The following PALD1 variants were observed in gnomAD, a reference collection of about 807,000 sequenced individuals.
PALD1 encodes paladin.
In PALD1, 57 loss-of-function variants were observed where a neutral mutation model predicts 96.0. The observed-to-expected ratio is 0.59, with a 90% CI of 0.48 to 0.74. PALD1 has a LOEUF of 0.74. PALD1 is among the 30% of genes least tolerant of loss of function. The pLI is 0.00. For synonymous variants in PALD1, 464 were observed against 473.6 expected, an observed-to-expected ratio of 0.98 and a Z score of 0.26; for missense variants, 1,063 against 1,143.7, an observed-to-expected ratio of 0.93 and a Z score of 1.02.
chr10:70,462,490 T>C, the PALD1 span, among the ~76,000 whole-genome samples: 1 of 152,262 alleles, frequency 6.6e-6, no homozygotes, highest in Non-Finnish European at 1.5e-5. Context: ...GCTTTTATCA[T>C]TGAACAATTC....
intron 1 of PALD1, among the ~76,000 whole-genome samples, chr10:70,500,682 G>T (rs1397866661): frequency 4.6e-5 from 7 of 152,184 alleles, no homozygotes; most frequent in African/African-American, 1.7e-4. Context: ...AGGTGCTGGA[G>T]TCCCTGCGCT....
At chr10:70,522,446 G>A (rs1846757934) in intron 1 of PALD1, among the ~76,000 whole-genome samples, 1 of 152,136 alleles carries the variant, frequency 6.6e-6, no homozygotes, top group African/African-American at 2.4e-5. Context: ...GGGGACCGGG[G>A]GCACACGTGG....
Position 70,564,244 on chromosome 10 carries a change from A to G in PALD1, c.2263-120A>G. On this transcript the variant is annotated intron_variant, in intron 18 of 19. Transcript: ENST00000263563. Reference sequence around the variant, plus strand: ...TTGTCCTGTAACCCAGGTGGAAGCAACGCCCTCAGCTCTGAGGCTGGATCA... The same window carrying G: ...TTGTCCTGTAACCCAGGTGGAAGCAGCGCCCTCAGCTCTGAGGCTGGATCA... The G allele has an allele frequency of 9.4e-6, 10 of 1,060,014 alleles. No homozygotes were observed. The South Asian group carries it at 1.4e-4, about 15-fold the overall frequency. The allele number at this position is 1,060,014 out of a possible 1,614,324, so 65.7% of individuals were successfully genotyped here.
At chr10:70,491,658 G>A (rs1462927730) in intron 1 of PALD1, among the ~76,000 whole-genome samples, 1 of 152,146 alleles carries the variant, frequency 6.6e-6, no homozygotes. Context: ...CATTTGCAAT[G>A]TTTTGCAACC....
At chr10:70,500,600 C>T (rs1452108443) in intron 1 of PALD1, among the ~76,000 whole-genome samples, 3 of 152,132 alleles carry the variant, frequency 2.0e-5, no homozygotes, top group African/African-American at 4.8e-5. Context: ...GTTCCTTTTT[C>T]GGGAAGCCTT....
the PALD1 span, among the ~76,000 whole-genome samples, chr10:70,465,801 G>C: frequency 6.6e-6 from 1 of 152,192 alleles, no homozygotes; most frequent in South Asian, 2.1e-4. Flanking sequence ...CCCTCCTCAG[G>C]ATGGAGGACA....
In PALD1 at chr10:70,534,482, CT is replaced by C. The variant is rs780799764; in HGVS notation, c.1083del (p.Leu362SerfsTer27). On this transcript the variant is annotated frameshift_variant, in exon 9 of 20. Coordinates refer to ENST00000263563, the MANE Select transcript of PALD1 (RefSeq NM_014431.3). LOFTEE classifies it high-confidence loss of function. ...TGGAGCAGTTCCAGGTGATCCAGAG[CT>C]TTCTCCGCATGGTGCCCCAGGGAAG... is the stretch of plus-strand genomic sequence containing the variant. The part of the protein sequence containing the change: ...PMEQFQVIQS[F>X]LRMVPQGRRM... 2 of 1,613,092 alleles carry C rather than the reference CT, an allele frequency of 1.2e-6. No individual in the cohort carries two copies. The highest frequency in any genetic ancestry group is 1.7e-6 in the Non-Finnish European group (2 of 1,179,664).
At chr10:70,479,461 G>T (rs1355161677) in intron 1 of PALD1, among the ~76,000 whole-genome samples, 1 of 152,212 alleles carries the variant, frequency 6.6e-6, no homozygotes, top group Non-Finnish European at 1.5e-5. Flanking sequence ...TCTAGGGGGC[G>T]TGAGGCCCTC....
At chr10:70,556,926 C>T (rs1434114925) in intron 18 of PALD1, among the ~76,000 whole-genome samples, 1 of 152,226 alleles carries the variant, frequency 6.6e-6, no homozygotes, top group Non-Finnish European at 1.5e-5. Flanking sequence ...GAAACCCTGA[C>T]TCCAGGACCC....
intron 1 of PALD1, among the ~76,000 whole-genome samples, chr10:70,489,292 G>A (rs1467429350): frequency 6.6e-6 from 1 of 152,164 alleles, no homozygotes; most frequent in Non-Finnish European, 1.5e-5. Context: ...GGGGTCCCAG[G>A]TGCTCTGAGT....
chr10:70,538,283 C>T lies in PALD1; in HGVS notation c.1327C>T (p.Pro443Ser). 1 of 1,601,942 alleles carries T rather than the reference C, an allele frequency of 6.2e-7. No individual in the cohort carries two copies. Among genetic ancestry groups the T allele is most frequent in the Non-Finnish European group, 8.5e-7 (1 of 1,179,920 alleles). The change falls in exon 12 of 20, where the codon CCG (proline) becomes TCG (serine). Residue 443 changes from proline (P) to serine (S), a missense_variant. Pro to Ser is a moderately conservative substitution (Grantham distance 74). Coordinates refer to ENST00000263563, the MANE Select transcript of PALD1 (RefSeq NM_014431.3). ...LFNYYLHEQY[P>S]LAFALSFSRW... ...GTCTCTCTGCCTCGGGCTGCAGTACCCGCTGGCCTTTGCCCTCAGTTTCAG... is the reference window on the plus strand; with the variant it reads ...GTCTCTCTGCCTCGGGCTGCAGTACTCGCTGGCCTTTGCCCTCAGTTTCAG...
At position 70,533,936 on chromosome 10, in the gene PALD1, G is replaced by A. The variant is rs370783568; in HGVS notation, c.885G>A (p.Leu295=). 2.4e-4 allele frequency: 388 copies of A among 1,601,406 alleles called. 1 individual carries two copies. The highest frequency in any genetic ancestry group is 2.7e-4 in the Non-Finnish European group (315 of 1,172,914). ...GTCTTTCCCAGGAGACCCCCAGCCT[G>A]CTGCAGCTCCGTGATGCCCACGGGC... ...FVSVLRETPS[L]LQLRDAHGPP... Residue 295 remains leucine, a synonymous_variant, in exon 8 of 20, where the codon CTG becomes CTA. Coordinates refer to ENST00000263563, the MANE Select transcript of PALD1 (RefSeq NM_014431.3).
chr10:70,532,438 C>T (rs549214453), intron 5 of PALD1, among the ~76,000 whole-genome samples, 183 bp from the exon 6 acceptor site: 14 of 152,336 alleles, frequency 9.2e-5, no homozygotes, highest in Admixed American at 2.0e-4. Context: ...GTAGGCACCC[C>T]GATTCCTTCA....
intron 1 of PALD1, among the ~76,000 whole-genome samples, 156 bp from the exon 2 acceptor site, chr10:70,525,767 C>G (rs920137256): frequency 2.0e-5 from 3 of 152,204 alleles, no homozygotes; most frequent in African/African-American, 4.8e-5. Flanking sequence ...AGCATGTGAT[C>G]TTCTGGGCCC....
chr10:70,462,540 G>A, the PALD1 span, among the ~76,000 whole-genome samples: 1 of 152,240 alleles, frequency 6.6e-6, no homozygotes, highest in East Asian at 1.9e-4. Flanking sequence ...CTGGGGAGAG[G>A]CTGCCTACTG....
intron 1 of PALD1, among the ~76,000 whole-genome samples, chr10:70,488,279 C>T (rs955002816): frequency 4.6e-5 from 7 of 152,034 alleles, no homozygotes; most frequent in Non-Finnish European, 1.0e-4. Context: ...CACCACCATG[C>T]CCGGCTAATT....
chr10:70,534,303 T>C (rs965786324), intron 8 of PALD1, 122 bp from the exon 9 acceptor site: 8 of 775,064 alleles, frequency 1.0e-5, no homozygotes, highest in East Asian at 2.7e-5. Flanking sequence ...CTTCCCACAA[T>C]GTGATTCAGA....
intron 18 of PALD1, among the ~76,000 whole-genome samples, chr10:70,562,088 C>A (rs1044061285): frequency 6.6e-6 from 1 of 152,246 alleles, no homozygotes; most frequent in African/African-American, 2.4e-5. Flanking sequence ...CGTGCCTTCT[C>A]ATCCCTCACT....
chr10:70,556,274 C>T lies in PALD1; in HGVS notation c.2263-8090C>T, dbSNP rs993759028. Among the ~76,000 whole-genome samples the T allele has an allele frequency of 4.1e-5, 6 of 145,708 alleles. No homozygotes were observed. The East Asian group carries it at 1.2e-3, about 29-fold the overall frequency. On this transcript the variant is annotated intron_variant, in intron 18 of 19. Transcript: ENST00000263563. Reference sequence around the variant, plus strand: ...GTGTAGGGCACATGTTCTCAGTAGCCGAGACCTCTCTCTCTCTCTCTCTCT... The same window carrying T: ...GTGTAGGGCACATGTTCTCAGTAGCTGAGACCTCTCTCTCTCTCTCTCTCT...
Sources: allele counts gnomAD v4.1 joint callset (sites outside exome capture counted in the v4.1 genomes callset), GRCh38; gene constraint gnomAD v4.1.1; transcripts MANE v1.5; gene names NCBI Gene and HGNC (gene_info 2026-07-23, HGNC 2026-07-21).